Variants in PPA1 observed in about 807,000 individuals in gnomAD.
PPA1 encodes the protein inorganic pyrophosphatase.
Under a neutral mutation model 41.8 loss-of-function variants are expected in PPA1, and 23 were observed. The ratio of observed to expected loss-of-function variants is 0.55; its 90% CI spans 0.40 to 0.78. The LOEUF (loss-of-function observed/expected upper bound fraction) is 0.78, where lower values mean the gene tolerates loss of function less well. PPA1 is among the 30% of genes least tolerant of loss of function. The pLI, the probability that PPA1 is intolerant of heterozygous loss-of-function variation, is 0.00. For synonymous variants in PPA1, 101 were observed against 116.8 expected, an observed-to-expected ratio of 0.86 and a Z score of 0.87; for missense variants, 320 against 361.6, an observed-to-expected ratio of 0.89 and a Z score of 0.93.
intron 6 of PPA1, among the ~76,000 whole-genome samples, chr10:70,211,282 A>G (rs1206430644): frequency 6.6e-6 from 1 of 152,160 alleles, no homozygotes; most frequent in Non-Finnish European, 1.5e-5. Context: ...AATAACAGAA[A>G]CTAATTCTCC....
At chr10:70,211,042 C>T (rs7894334) in intron 6 of PPA1, among the ~76,000 whole-genome samples, 13,822 of 152,170 alleles carry the variant, frequency 0.091, 851 homozygotes, top group East Asian at 0.22. Flanking sequence ...GGATTACAGG[C>T]GTGAGCCACC....
chr10:70,207,722 G>GT (rs1564580466), intron 8 of PPA1, among the ~76,000 whole-genome samples: 1 of 152,026 alleles, frequency 6.6e-6, no homozygotes, highest in Non-Finnish European at 1.5e-5. Flanking sequence ...TTTAAAAATC[G>GT]TAAGACAAGT....
intron 10 of PPA1, chr10:70,204,587 G>A (rs1200265400): frequency 3.2e-6 from 1 of 308,144 alleles, no homozygotes; most frequent in Non-Finnish European, 5.9e-6. Flanking sequence ...AAAGGAATAA[G>A]CTTTAGTGAT....
At chr10:70,217,775 TA>T in intron 4 of PPA1, 36 bp downstream of exon 4, 2 of 1,473,812 alleles carry the variant, frequency 1.4e-6, no homozygotes, top group Non-Finnish European at 1.8e-6. Context: ...TTTAGTAAGC[TA>T]AAAAGTACAT....
intron 6 of PPA1, among the ~76,000 whole-genome samples, chr10:70,211,054 C>A (rs189492873): frequency 6.6e-6 from 1 of 152,154 alleles, no homozygotes; most frequent in Non-Finnish European, 1.5e-5. Flanking sequence ...TGAGCCACCG[C>A]GCCCGGCCGC....
At chr10:70,231,014 G>C (rs2136774021) in intron 1 of PPA1, among the ~76,000 whole-genome samples, 1 of 152,262 alleles carries the variant, frequency 6.6e-6, no homozygotes, top group East Asian at 1.9e-4. Flanking sequence ...GAAGTACTTG[G>C]GAGGAAGGGA....
rs1428159015 is a variant in PPA1, at chr10:70,220,737, ATT to A, written c.124-1922_124-1921del. Among the ~76,000 whole-genome samples, 6 of 9,280 alleles carry A rather than the reference ATT, an allele frequency of 6.5e-4. 2 individuals are homozygous for A. The highest frequency in any genetic ancestry group is 9.1e-4 in the African/African-American group (2 of 2,190). 6.1% of individuals were successfully genotyped at this position (9,280 alleles called of 152,430 possible). On this transcript the variant is annotated intron_variant, in intron 2 of 10. Coordinates refer to ENST00000373232, the MANE Select transcript of PPA1 (RefSeq NM_021129.4). Reference sequence around the variant, plus strand: ...ATAATTTATATATATAATATATATAATTTATATATATATAATATATATAATTT... The same window carrying A: ...ATAATTTATATATATAATATATATAATATATATATATAATATATATAATTT...
At chr10:70,220,901 A>ATTCTTACATATATAATATATAC (rs1170316384) in intron 2 of PPA1, among the ~76,000 whole-genome samples, 13 of 8,824 alleles carry the variant, frequency 1.5e-3, no homozygotes, top group African/African-American at 4.4e-3. Context: ...TATATATATA[A>ATTCTTACATATATAATATATAC]TTTATATATA....
At chr10:70,223,500 G>A (rs1840198031) in intron 2 of PPA1, among the ~76,000 whole-genome samples, 1 of 152,138 alleles carries the variant, frequency 6.6e-6, no homozygotes, top group Non-Finnish European at 1.5e-5. Context: ...GACTACAGGT[G>A]CAAGCCATCC....
rs1397587023 is a variant in PPA1 at position 70,220,657 on chromosome 10, AT to A, written c.124-1841del. On this transcript the variant is annotated intron_variant, in intron 2 of 10. Transcript: ENST00000373232. Reference sequence around the variant, plus strand: ...TATAATATATATAATTTATATATATATTATATATAATTTATATATATATAAT... The same window carrying A: ...TATAATATATATAATTTATATATATATATATATAATTTATATATATATAAT... Among the ~76,000 whole-genome samples, 6 of 3,044 alleles carry A rather than the reference AT, an allele frequency of 2.0e-3. 3 individuals carry two copies. Among genetic ancestry groups the A allele is most frequent in the Non-Finnish European group, 3.1e-3 (6 of 1,944 alleles). 2.0% of individuals were successfully genotyped at this position (3,044 alleles called of 152,430 possible).
chr10:70,204,833 T>C (rs370647485), intron 10 of PPA1, 40 bp downstream of exon 10: 19 of 1,489,322 alleles, frequency 1.3e-5, no homozygotes, highest in Non-Finnish European at 1.5e-5. Flanking sequence ...TCCATAACTG[T>C]GTAATGTTTA....
At chr10:70,209,715 T>C in intron 6 of PPA1, 30 bp from the exon 7 acceptor site, 2 of 1,553,024 alleles carry the variant, frequency 1.3e-6, no homozygotes, top group African/African-American at 1.4e-5. Context: ...AAGATGACAG[T>C]GAGAATGATT....
chr10:70,220,469 CAT>C (rs1441983476), intron 2 of PPA1, among the ~76,000 whole-genome samples: 2 of 109,458 alleles, frequency 1.8e-5, no homozygotes, highest in South Asian at 2.6e-4. Context: ...CGTGTATGTG[CAT>C]ATATATATAA....
intron 2 of PPA1, 99 bp downstream of exon 2, chr10:70,230,242 G>C: frequency 2.2e-6 from 3 of 1,372,282 alleles, no homozygotes; most frequent in Non-Finnish European, 3.1e-6. Context: ...AGCACAACGA[G>C]GCATTTTAAG....
chr10:70,226,452 A>T (rs982867156), intron 2 of PPA1, among the ~76,000 whole-genome samples: 1 of 151,950 alleles, frequency 6.6e-6, no homozygotes, highest in Non-Finnish European at 1.5e-5. Flanking sequence ...CCAGCTACTC[A>T]GGAGACTGAG....
In PPA1 at chr10:70,213,590, C is replaced by T; in HGVS notation, c.385-1G>A. 1 of 1,613,458 alleles carries T rather than the reference C, an allele frequency of 6.2e-7. No homozygotes were observed. On this transcript the variant is annotated splice_acceptor_variant, in intron 5 of 10. Transcript: ENST00000373232. LOFTEE classifies it high-confidence loss of function. The stretch of plus-strand genomic sequence containing the variant: ...CAATTATTTCACCTCTTGCACATAC[C>T]TGAGAGTCAATAGCCAAAGTCAGGA...
chr10:70,217,790 C>T (rs370219230), intron 4 of PPA1, 22 bp downstream of exon 4: 2 of 1,511,278 alleles, frequency 1.3e-6, no homozygotes, highest in Non-Finnish European at 1.8e-6. Context: ...AGTACATTGT[C>T]AGCAGTTGCA....
At chr10:70,208,312 GAAGTT>G (rs1839971490) in intron 8 of PPA1, among the ~76,000 whole-genome samples, 1 of 152,048 alleles carries the variant, frequency 6.6e-6, no homozygotes, top group African/African-American at 2.4e-5. Flanking sequence ...AAAAAATAGA[GAAGTT>G]AACTTAAAAG....
intron 2 of PPA1, 101 bp from the exon 3 acceptor site, chr10:70,218,918 A>G (rs575783082): frequency 2.5e-6 from 2 of 796,800 alleles, no homozygotes; most frequent in South Asian, 3.1e-5. Context: ...ATTGTATCAG[A>G]TCTTTGAAGT....
Sources: gnomAD v4.1 joint callset for allele counts (sites outside exome capture counted in the v4.1 genomes callset) on GRCh38, gnomAD v4.1.1 for gene constraint, MANE v1.5 for transcripts, NCBI Gene and HGNC (gene_info 2026-07-23, HGNC 2026-07-21) for gene names.